Variants in CORO1C observed in about 807,000 individuals in gnomAD.
CORO1C encodes the protein coronin 1C, also known as coronin-1C.
Under a neutral mutation model 51.2 loss-of-function variants are expected in CORO1C, and 14 were observed. That is an observed-to-expected ratio of 0.27 (90% CI 0.18 to 0.43). The LOEUF (loss-of-function observed/expected upper bound fraction) is 0.43. Among genes scored for constraint, CORO1C ranks in the 20% least tolerant of loss-of-function variants. The pLI is 1.00. For missense variants in CORO1C, 417 were observed against 607.8 expected, an observed-to-expected ratio of 0.69 and a Z score of 3.30; for synonymous variants, 181 against 210.5, an observed-to-expected ratio of 0.86 and a Z score of 1.21.
intron 3 of CORO1C, among the ~76,000 whole-genome samples, chr12:108,671,751 A>G (rs1156699870): frequency 6.6e-6 from 1 of 152,180 alleles, no homozygotes; most frequent in Non-Finnish European, 1.5e-5. Context: ...ACTGTGAGTC[A>G]ATAATTTTAT....
intron 6 of CORO1C, among the ~76,000 whole-genome samples, chr12:108,655,633 C>T (rs1423815482): frequency 2.0e-5 from 3 of 152,252 alleles, no homozygotes; most frequent in African/African-American, 4.8e-5. Flanking sequence ...CCGCCAGCCT[C>T]GGCCTCCCGA....
chr12:108,645,747 C>T lies in CORO1C; in HGVS notation c.*1656G>A, dbSNP rs1212925657. ...TGCCCTCACCCTGGCTCCCTGCATACAGACGTTTCCAGCCAGTCCCATGCC... is the reference window on the plus strand; with the variant it reads ...TGCCCTCACCCTGGCTCCCTGCATATAGACGTTTCCAGCCAGTCCCATGCC... On this transcript the variant is annotated 3_prime_UTR_variant, in exon 11 of 11. Transcript: ENST00000261401. 1 of 152,276 alleles carries T rather than the reference C, an allele frequency of 6.6e-6. No individual in the cohort carries two copies. The highest frequency in any genetic ancestry group is 2.4e-5 in the African/African-American group (1 of 41,454). 9.4% of individuals were successfully genotyped at this position (152,276 alleles called of 1,614,324 possible).
rs77610543 is a variant in CORO1C at position 108,702,647 on chromosome 12, T to C, written c.-5-1324A>G. The C allele has an allele frequency of 3.0e-3, 2,271 of 745,272 alleles. 43 individuals are homozygous for C. The African/African-American group carries it at 0.035, about 12-fold the overall frequency. The allele number at this position is 745,272 out of a possible 1,614,324, so 46.2% of individuals were successfully genotyped here. ...CTCAGCTGAAAATCAGATCCTCATA[T>C]ACAGAGGAGAGCTAACACCTGTCCA... is the stretch of plus-strand genomic sequence containing the variant. On this transcript the variant is annotated intron_variant, in intron 1 of 10. Coordinates refer to ENST00000261401, the MANE Select transcript of CORO1C (RefSeq NM_014325.4).
chr12:108,702,989 C>G (rs917222716), intron 1 of CORO1C: 5 of 1,478,604 alleles, frequency 3.4e-6, no homozygotes, highest in Non-Finnish European at 4.5e-6. Flanking sequence ...TGATTCGTGG[C>G]CAGGGTCCTT....
rs1409669607 is a variant in CORO1C, at chr12:108,702,918, G to C, written c.-5-1595C>G. On this transcript the variant is annotated intron_variant, in intron 1 of 10. Coordinates refer to ENST00000261401, the MANE Select transcript of CORO1C (RefSeq NM_014325.4). Reference sequence around the variant, plus strand: ...TTCCTTAGCCCAGCTGTTATTGCCAGACTTTCCCAGCTGACTACCAGGGCC... The same window carrying C: ...TTCCTTAGCCCAGCTGTTATTGCCACACTTTCCCAGCTGACTACCAGGGCC... 2.0e-6 allele frequency: 3 copies of C among 1,535,444 alleles called. No individual in the cohort carries two copies. In the East Asian group the frequency reaches 7.3e-5, roughly 38 times the overall value.
intron 3 of CORO1C, among the ~76,000 whole-genome samples, chr12:108,675,223 T>C (rs1246929224): frequency 6.6e-6 from 1 of 152,212 alleles, no homozygotes; most frequent in East Asian, 1.9e-4. Flanking sequence ...TTAATAGATA[T>C]AATTTTCCCT....
chr12:108,722,112 C>T (rs2136888096), intron 1 of CORO1C, among the ~76,000 whole-genome samples: 1 of 152,242 alleles, frequency 6.6e-6, no homozygotes, highest in South Asian at 2.1e-4. Flanking sequence ...GCTGTAATGA[C>T]TGAATGCAAA....
At chr12:108,671,539 T>C (rs1227448214) in intron 3 of CORO1C, among the ~76,000 whole-genome samples, 1 of 151,274 alleles carries the variant, frequency 6.6e-6, no homozygotes, top group Non-Finnish European at 1.5e-5. Flanking sequence ...GAGCATATCA[T>C]GGTATCTAGA....
intron 3 of CORO1C, among the ~76,000 whole-genome samples, chr12:108,671,719 G>T (rs1422035647): frequency 6.6e-6 from 1 of 152,116 alleles, no homozygotes; most frequent in Non-Finnish European, 1.5e-5. Context: ...ATGGAATAAG[G>T]TATTTAGTTA....
Position 108,662,120 on chromosome 12 carries a change from C to G in CORO1C, c.357G>C (p.Leu119=). ...CTTCCAAAATCACCACAGGTTCAGT[C>G]AGGGAAAGGGTGAGTCCATTTTCTG... is the stretch of plus-strand genomic sequence containing the variant. ...QIPENGLTLS[L]TEPVVILEGH... is the part of the protein sequence containing the mutation. The change falls in exon 4 of 11, where the codon CTG becomes CTC. Residue 119 remains leucine, a synonymous_variant. Transcript: ENST00000261401. 1 of 1,613,876 alleles carries G rather than the reference C, an allele frequency of 6.2e-7. No homozygotes were observed. The highest frequency in any genetic ancestry group is 8.5e-7 in the Non-Finnish European group (1 of 1,179,832).
chr12:108,686,218 G>T (rs1428524190), intron 2 of CORO1C, among the ~76,000 whole-genome samples: 1 of 152,192 alleles, frequency 6.6e-6, no homozygotes, highest in African/African-American at 2.4e-5. Flanking sequence ...ACAAACCAAA[G>T]AATCCATGTA....
chr12:108,694,802 T>A (rs2034620646), intron 2 of CORO1C, among the ~76,000 whole-genome samples: 1 of 152,022 alleles, frequency 6.6e-6, no homozygotes, highest in African/African-American at 2.4e-5. Context: ...ATTTTTTTCT[T>A]AAAGGCTAGG....
intron 2 of CORO1C, among the ~76,000 whole-genome samples, chr12:108,679,710 G>C (rs756953744): frequency 6.6e-6 from 1 of 152,208 alleles, no homozygotes; most frequent in Non-Finnish European, 1.5e-5. Flanking sequence ...CAAATCTCCA[G>C]GAAAGCAGAA....
At position 108,701,296 on chromosome 12, in the gene CORO1C, C is replaced by G; in HGVS notation, c.23G>C (p.Ser8Thr). Residue 8 changes from serine to threonine, a missense_variant, in exon 2 of 11, where the codon AGC becomes ACC. Coordinates refer to ENST00000261401, the MANE Select transcript of CORO1C (RefSeq NM_014325.4). ...TTGCCCAAATACATGCCGAAACTTG[C>G]TCTGTCGTACCACTCGCCTCATCGT... MRRVVRQ[S>T]KFRHVFGQAV... 6.2e-7 allele frequency: 1 copy of G among 1,614,180 alleles called. No homozygotes were observed. The highest frequency in any genetic ancestry group is 8.5e-7 in the Non-Finnish European group (1 of 1,180,028).
intron 2 of CORO1C, among the ~76,000 whole-genome samples, chr12:108,679,552 C>T (rs17040852): frequency 0.025 from 3,871 of 152,290 alleles, 178 homozygotes; most frequent in African/African-American, 0.089. Context: ...AGCAGGTGCA[C>T]AGAAAGGAAC....
intron 1 of CORO1C, among the ~76,000 whole-genome samples, chr12:108,717,244 G>A (rs1014576193): frequency 1.3e-5 from 2 of 152,236 alleles, no homozygotes; most frequent in African/African-American, 4.8e-5. Context: ...GCACTTGTCA[G>A]AATCTGGACT....
At chr12:108,705,013 A>T (rs1424181682) in intron 1 of CORO1C, among the ~76,000 whole-genome samples, 1 of 152,220 alleles carries the variant, frequency 6.6e-6, no homozygotes, top group Non-Finnish European at 1.5e-5. Context: ...AGTACCTTGT[A>T]TGGTTAAATA....
At chr12:108,701,727 A>G (rs1478984645) in intron 1 of CORO1C, 1 of 190,798 alleles carries the variant, frequency 5.2e-6, no homozygotes, top group Non-Finnish European at 1.1e-5. Flanking sequence ...GAGGCTGAAG[A>G]AAGCCGAAAA....
intron 1 of CORO1C, among the ~76,000 whole-genome samples, chr12:108,706,873 C>G (rs965472448): frequency 3.3e-5 from 5 of 152,152 alleles, no homozygotes; most frequent in Non-Finnish European, 7.3e-5. Context: ...TGTGAGCTAC[C>G]ATGCCTAGCC....
Sources: allele counts gnomAD v4.1 joint callset (sites outside exome capture counted in the v4.1 genomes callset), GRCh38; gene constraint gnomAD v4.1.1; transcripts MANE v1.5; gene names NCBI Gene and HGNC (gene_info 2026-07-23, HGNC 2026-07-21).